The following CACNA1D variants were observed in gnomAD, a reference collection of about 807,000 sequenced individuals.
CACNA1D encodes the protein calcium voltage-gated channel subunit alpha1 D.
CACNA1D carries 55 observed loss-of-function variants against 257.1 expected under a neutral mutation model. That is an observed-to-expected ratio of 0.21 (90% confidence interval 0.17 to 0.27). The LOEUF (loss-of-function observed/expected upper bound fraction) is 0.27, where lower values mean the gene tolerates loss of function less well. Among genes scored for constraint, CACNA1D ranks in the 10% least tolerant of loss-of-function variants. The pLI, the probability that CACNA1D is intolerant of heterozygous loss-of-function variation, is 1.00. For missense variants in CACNA1D, 1,876 were observed against 2,784.0 expected, an observed-to-expected ratio of 0.67 and a Z score of 7.34; for synonymous variants, 980 against 1,014.9, an observed-to-expected ratio of 0.97 and a Z score of 0.65.
chr3:53,781,619 A>T lies in CACNA1D; in HGVS notation c.4744A>T (p.Lys1582Ter). 6.2e-7 allele frequency: 1 copy of T among 1,614,116 alleles called. No homozygotes were observed. The highest frequency in any genetic ancestry group is 8.5e-7 in the Non-Finnish European group (1 of 1,179,964). ...TCGGGCTGTGATAAAGAAAATTTGG[A>T]AGAAAACCAGCATGAAATTACTTGA... ...ELRAVIKKIW[K>*]KTSMKLLDQV... is the part of the protein sequence containing the mutation. Residue 1582 changes from lysine to a stop codon, truncating the protein, a stop_gained, in exon 39 of 48, where the codon AAG (lysine) becomes TAG (stop). Transcript: ENST00000350061. LOFTEE classifies it high-confidence loss of function.
chr3:53,770,392 T>C (rs750670336), intron 31 of CACNA1D, 32 bp from the exon 32 acceptor site: 22 of 1,608,980 alleles, frequency 1.4e-5, no homozygotes, highest in East Asian at 4.5e-5. Flanking sequence ...CTACTTTCCA[T>C]TGGGTTTGAC....
rs2095531316 is a variant in CACNA1D, at chr3:53,800,567, T to A, written c.5040+202T>A. Reference sequence around the variant, plus strand: ...CTCTTCTAGGGCCAGGCCAGCTCTTTCCCTGAGCTTACCCAGCTTCCCCTC... The same window carrying A: ...CTCTTCTAGGGCCAGGCCAGCTCTTACCCTGAGCTTACCCAGCTTCCCCTC... On this transcript the variant is annotated intron_variant, in intron 41 of 47. Transcript: ENST00000350061. This position sits in a 1 kb window ranked among gnomAD's most constrained non-coding sequence, Gnocchi z 4.3. 1.6e-6 allele frequency: 1 copy of A among 641,682 alleles called. No individual in the cohort carries two copies. Among genetic ancestry groups the A allele is most frequent in the African/African-American group, 1.8e-5 (1 of 55,888 alleles). 39.7% of individuals were successfully genotyped at this position (641,682 alleles called of 1,614,324 possible).
chr3:53,758,253 G>T (rs1056189221), intron 29 of CACNA1D, among the ~76,000 whole-genome samples: 1 of 152,126 alleles, frequency 6.6e-6, no homozygotes, highest in African/African-American at 2.4e-5. Context: ...TTGGCACTTT[G>T]GGTTATCACT....
chr3:53,791,166 C>T, intron 40 of CACNA1D: 1 of 623,616 alleles, frequency 1.6e-6, no homozygotes, highest in South Asian at 1.9e-5. Flanking sequence ...CCCTTCCAAG[C>T]AAAGCACTCC....
chr3:53,743,913 C>G (rs984453511), intron 22 of CACNA1D, among the ~76,000 whole-genome samples: 1 of 152,112 alleles, frequency 6.6e-6, no homozygotes, highest in Non-Finnish European at 1.5e-5. Flanking sequence ...TTTGTGTTAT[C>G]CTTCTCGCCT....
chr3:53,722,410 T>C lies in CACNA1D; in HGVS notation c.1602T>C (p.Phe534=), dbSNP rs1175323044. The change falls in exon 12 of 48, where the codon TTT becomes TTC. Residue 534 remains phenylalanine (F), a synonymous_variant. Transcript: ENST00000350061. The part of the protein sequence containing the change: ...TFYWLVIVLV[F]LNTLTISSEH... ...ACTGGCTGGTTATCGTCCTGGTGTT[T>C]CTGAACACCTTAACCATTTCCTCTG... is the stretch of plus-strand genomic sequence containing the variant. 1 of 1,614,030 alleles carries C rather than the reference T, an allele frequency of 6.2e-7. No homozygotes were observed. The highest frequency in any genetic ancestry group is 8.5e-7 in the Non-Finnish European group (1 of 1,179,968).
At chr3:53,551,631 C>T (rs901448403) in intron 3 of CACNA1D, among the ~76,000 whole-genome samples, 3 of 152,226 alleles carry the variant, frequency 2.0e-5, no homozygotes, top group African/African-American at 7.2e-5. Flanking sequence ...ACCCACACTT[C>T]GAGGTTTACA....
At chr3:53,508,894 G>T (rs2090980637) in intron 3 of CACNA1D, among the ~76,000 whole-genome samples, 1 of 152,190 alleles carries the variant, frequency 6.6e-6, no homozygotes, top group Non-Finnish European at 1.5e-5. Context: ...TACAGGGAGG[G>T]ACCATGTGCA....
intron 29 of CACNA1D, 44 bp downstream of exon 29, chr3:53,753,726 C>A: frequency 8.9e-7 from 1 of 1,129,798 alleles, no homozygotes. Context: ...GCTGAGTCAC[C>A]CTAGAGAAGT....
At chr3:53,701,353 C>G (rs2094623777) in intron 8 of CACNA1D, among the ~76,000 whole-genome samples, 1 of 152,128 alleles carries the variant, frequency 6.6e-6, no homozygotes, top group African/African-American at 2.4e-5. Flanking sequence ...AGGCTGGTCT[C>G]AAACTCCTGA....
chr3:53,697,361 C>A lies in CACNA1D; in HGVS notation c.1221-5280C>A, dbSNP rs149353449. Among the ~76,000 whole-genome samples, 282 of 152,212 alleles carry A rather than the reference C, an allele frequency of 1.9e-3. 1 individual carries two copies. Among genetic ancestry groups the A allele is most frequent in the Non-Finnish European group, 2.8e-3 (188 of 68,022 alleles). ...GTTGGATACAATTTTTTGTACATAGCCTTCCTGCATGCCTATATGAAGTGG... is the reference window on the plus strand; with the variant it reads ...GTTGGATACAATTTTTTGTACATAGACTTCCTGCATGCCTATATGAAGTGG... On this transcript the variant is annotated intron_variant, in intron 8 of 47. Coordinates refer to ENST00000350061, the MANE Select transcript of CACNA1D (RefSeq NM_001128840.3).
chr3:53,538,584 C>T (rs976886830), intron 3 of CACNA1D, among the ~76,000 whole-genome samples: 3 of 152,178 alleles, frequency 2.0e-5, no homozygotes, highest in Non-Finnish European at 4.4e-5. Context: ...AAGTTACTGA[C>T]CCTCAGATCA....
At position 53,774,729 on chromosome 3, in the gene CACNA1D, C is replaced by G; in HGVS notation, c.4202+51C>G. 9.5e-7 allele frequency: 1 copy of G among 1,053,182 alleles called. No individual in the cohort carries two copies. Among genetic ancestry groups the G allele is most frequent in the Non-Finnish European group, 1.5e-6 (1 of 667,764 alleles). 65.2% of individuals were successfully genotyped at this position (1,053,182 alleles called of 1,614,324 possible). Reference sequence around the variant, plus strand: ...CTCCTGGGCAGGGGGGTCCGCTAGGCGTGGGTCCAGAGGGACGGAGGACAC... The same window carrying G: ...CTCCTGGGCAGGGGGGTCCGCTAGGGGTGGGTCCAGAGGGACGGAGGACAC... On this transcript the variant is annotated intron_variant, in intron 34 of 47. Coordinates refer to ENST00000350061, the MANE Select transcript of CACNA1D (RefSeq NM_001128840.3). The surrounding 1 kb of genome is among the most constrained non-coding windows in gnomAD (Gnocchi z 4.3).
intron 7 of CACNA1D, among the ~76,000 whole-genome samples, chr3:53,670,600 C>G (rs1457780593): frequency 6.6e-6 from 1 of 152,188 alleles, no homozygotes; most frequent in African/African-American, 2.4e-5. Flanking sequence ...CTGCCTTGGC[C>G]TCCCAAAGTG....
intron 3 of CACNA1D, among the ~76,000 whole-genome samples, chr3:53,563,937 A>G (rs2107650396): frequency 6.6e-6 from 1 of 152,274 alleles, no homozygotes; most frequent in South Asian, 2.1e-4. Flanking sequence ...CTTCAGCTTT[A>G]TTGGATGATG....
At chr3:53,676,652 T>C (rs889086915) in intron 8 of CACNA1D, among the ~76,000 whole-genome samples, 7 of 152,256 alleles carry the variant, frequency 4.6e-5, no homozygotes, top group Non-Finnish European at 1.5e-5. Flanking sequence ...CCTGTATCTG[T>C]TTTTGCTCCT....
intron 2 of CACNA1D, among the ~76,000 whole-genome samples, chr3:53,500,536 T>C (rs1204733697): frequency 6.6e-6 from 1 of 152,308 alleles, no homozygotes. Flanking sequence ...TGGAGAATAG[T>C]CTGTTCGTAT....
At chr3:53,738,364 G>A (rs2095079610) in intron 20 of CACNA1D, among the ~76,000 whole-genome samples, 1 of 152,216 alleles carries the variant, frequency 6.6e-6, no homozygotes, top group Admixed American at 6.5e-5. Flanking sequence ...AATATAAAGA[G>A]GAAGGCACTG....
intron 3 of CACNA1D, among the ~76,000 whole-genome samples, chr3:53,619,228 T>C (rs777547935): frequency 6.6e-6 from 1 of 152,158 alleles, no homozygotes; most frequent in Non-Finnish European, 1.5e-5. Flanking sequence ...TGAGCCTCAG[T>C]AGAAAGAGGT....
Sources: allele counts gnomAD v4.1 joint callset (sites outside exome capture counted in the v4.1 genomes callset), GRCh38; gene constraint gnomAD v4.1.1; non-coding constraint Gnocchi (gnomAD v3.1); transcripts MANE v1.5; gene names NCBI Gene and HGNC (gene_info 2026-07-23, HGNC 2026-07-21).